The following UNC13C variants were observed in gnomAD, a reference collection of about 807,000 sequenced individuals.
UNC13C encodes the protein protein unc-13 homolog C.
A neutral mutation model predicts 245.4 loss-of-function variants in UNC13C; 174 were observed. That is an observed-to-expected ratio of 0.71 (90% CI 0.63 to 0.80). The LOEUF (loss-of-function observed/expected upper bound fraction) is 0.80. Among genes scored for constraint, UNC13C ranks in the 30% least tolerant of loss-of-function variants. The pLI, the probability that UNC13C is intolerant of heterozygous loss-of-function variation, is 0.00. For synonymous variants in UNC13C, 992 were observed against 895.1 expected, an observed-to-expected ratio of 1.11 and a Z score of -1.93; for missense variants, 2,829 against 2,602.9, an observed-to-expected ratio of 1.09 and a Z score of -1.89.
intron 18 of UNC13C, among the ~76,000 whole-genome samples, chr15:54,401,980 A>C (rs952769262): frequency 5.3e-5 from 8 of 152,112 alleles, no homozygotes; most frequent in Non-Finnish European, 1.0e-4. Context: ...TTTGGAACCA[A>C]AGTAGCATAA....
intron 4 of UNC13C, among the ~76,000 whole-genome samples, chr15:54,158,205 G>T (rs1401731667): frequency 6.6e-6 from 1 of 152,238 alleles, no homozygotes; most frequent in African/African-American, 2.4e-5. Flanking sequence ...GCCTATTTGA[G>T]CAAATAAGTA....
the UNC13C span, among the ~76,000 whole-genome samples, chr15:53,965,526 TTC>T: frequency 1.4e-5 from 2 of 139,142 alleles, no homozygotes; most frequent in Admixed American, 1.5e-4. Context: ...TCAGTGCACT[TTC>T]TTTTTTTTCC....
chr15:54,281,526 T>C (rs926798596), intron 10 of UNC13C, among the ~76,000 whole-genome samples: 3 of 152,220 alleles, frequency 2.0e-5, no homozygotes, highest in Admixed American at 1.3e-4. Flanking sequence ...TTTCAGCTCT[T>C]CTATTCCTTA....
At chr15:53,957,772 C>T in the UNC13C span, among the ~76,000 whole-genome samples, 1 of 152,140 alleles carries the variant, frequency 6.6e-6, no homozygotes, top group Non-Finnish European at 1.5e-5. Context: ...TAGTTTAAGT[C>T]AGCACACATT....
chr15:54,012,052 A>C (rs1895403965), intron 1 of UNC13C, among the ~76,000 whole-genome samples: 1 of 152,222 alleles, frequency 6.6e-6, no homozygotes, highest in African/African-American at 2.4e-5. Context: ...GTTCCTACTA[A>C]TATGAGGCCC....
At chr15:54,260,852 A>G (rs966243089) in intron 8 of UNC13C, among the ~76,000 whole-genome samples, 5 of 79,528 alleles carry the variant, frequency 6.3e-5, no homozygotes, top group Non-Finnish European at 1.0e-4. Flanking sequence ...ACTTCTTCAG[A>G]AAAAAAACAC....
chr15:54,114,275 T>G (rs1227018898), intron 2 of UNC13C, among the ~76,000 whole-genome samples: 1 of 152,246 alleles, frequency 6.6e-6, no homozygotes, highest in African/African-American at 2.4e-5. Context: ...AATAAAGCAC[T>G]AAGGATGAAA....
chr15:54,567,836 A>G lies in UNC13C; in HGVS notation c.5995A>G (p.Asn1999Asp). The G allele has an allele frequency of 6.2e-7, 1 of 1,605,366 alleles. No homozygotes were observed. The highest frequency in any genetic ancestry group is 8.5e-7 in the Non-Finnish European group (1 of 1,175,324). ...FHAGGNGLKK[N>D]FLEKSPDLQS... ...TGCAGGAGGAAATGGCCTGAAAAAG[A>G]ATTTCTTGGAGAAAAGCCCAGATCT... The change falls in exon 30 of 33, where the codon AAT (asparagine) becomes GAT (aspartate). Residue 1999 changes from asparagine (N) to aspartate (D), a missense_variant. Coordinates refer to ENST00000260323, the MANE Select transcript of UNC13C (RefSeq NM_001080534.3).
At chr15:53,860,353 C>A in the UNC13C span, among the ~76,000 whole-genome samples, 55,277 of 151,958 alleles carry the variant, frequency 0.36, 10,140 homozygotes, top group East Asian at 0.54. Flanking sequence ...TTTTGAGGAT[C>A]CTCAGGGAGG....
rs75052798 is a variant in UNC13C at position 54,384,587 on chromosome 15, C to T, written c.4714-8461C>T. ...AAAATTCTTCAGGATATTGGTCTTC[C>T]GAAAATCTTTCTAGGGAAAGATTTT... On this transcript the variant is annotated intron_variant, in intron 17 of 32. Transcript: ENST00000260323. Among the ~76,000 whole-genome samples the T allele has an allele frequency of 4.4e-3, 667 of 151,958 alleles. 27 individuals carry two copies. The East Asian group carries it at 0.086, about 20-fold the overall frequency.
At chr15:54,050,414 C>G (rs1897228138) in intron 2 of UNC13C, 2 of 554,686 alleles carry the variant, frequency 3.6e-6, no homozygotes, top group Non-Finnish European at 7.3e-6. Context: ...GGAATATTCT[C>G]TGGGAGTAGT....
At position 54,014,652 on chromosome 15, in the gene UNC13C, C is replaced by A; in HGVS notation, c.1749C>A (p.Asp583Glu). The stretch of plus-strand genomic sequence containing the variant: ...GAAGCTCTCTCCTGTCATCTTCGGA[C>A]CGGGAGCTATGGCAGAGGAAACAGG... ...TNGSSLLSSS[D>E]RELWQRKQEG... Residue 583 changes from aspartate to glutamate, a missense_variant, in exon 2 of 33, where the codon GAC becomes GAA. Asp to Glu is a conservative substitution (Grantham distance 45). Coordinates refer to ENST00000260323, the MANE Select transcript of UNC13C (RefSeq NM_001080534.3). 1 of 1,613,622 alleles carries A rather than the reference C, an allele frequency of 6.2e-7. No individual in the cohort carries two copies. The highest frequency in any genetic ancestry group is 8.5e-7 in the Non-Finnish European group (1 of 1,179,780).
At position 54,065,021 on chromosome 15, in the gene UNC13C, C is replaced by G. The variant is rs28613833; in HGVS notation, c.2983+49135C>G. On this transcript the variant is annotated intron_variant, in intron 2 of 32. Coordinates refer to ENST00000260323, the MANE Select transcript of UNC13C (RefSeq NM_001080534.3). ...TTCCTATGTTTAAGATTCATTCACC[C>G]CAATGGTATCCTTGGAATTCTGAGC... Among the ~76,000 whole-genome samples, 573 of 152,300 alleles carry G rather than the reference C, an allele frequency of 3.8e-3. 6 individuals are homozygous for G. The highest frequency in any genetic ancestry group is 0.012 in the African/African-American group (507 of 41,570).
intron 2 of UNC13C, among the ~76,000 whole-genome samples, chr15:54,093,841 A>G (rs2141140638): frequency 6.6e-6 from 1 of 152,322 alleles, no homozygotes; most frequent in Non-Finnish European, 1.5e-5. Flanking sequence ...TATCCTCAAA[A>G]TGGTCTTTTC....
the UNC13C span, among the ~76,000 whole-genome samples, chr15:53,876,244 T>C: frequency 6.6e-6 from 1 of 152,210 alleles, no homozygotes; most frequent in Non-Finnish European, 1.5e-5. Context: ...TTCACTGGTA[T>C]CTCTGGTTTT....
intron 14 of UNC13C, among the ~76,000 whole-genome samples, chr15:54,324,571 A>G (rs749889005): frequency 2.0e-5 from 3 of 152,016 alleles, no homozygotes; most frequent in Non-Finnish European, 4.4e-5. Context: ...GACCAATTGG[A>G]TGACAGTGAT....
intron 19 of UNC13C, among the ~76,000 whole-genome samples, chr15:54,490,644 C>A: frequency 6.6e-6 from 1 of 150,560 alleles, no homozygotes; most frequent in African/African-American, 2.4e-5. Context: ...TTGCAAGGGA[C>A]AGGGATTGGG....
chr15:53,864,870 G>A, the UNC13C span, among the ~76,000 whole-genome samples: 1 of 152,116 alleles, frequency 6.6e-6, no homozygotes, highest in Non-Finnish European at 1.5e-5. Flanking sequence ...GGTTTGTAAG[G>A]GTAGAGAGAA....
rs183274339 is a variant in UNC13C, at chr15:54,238,144, G to A, written c.3228+454G>A. ...GGCTGCAGTGCAGTGGCACGATCTC[G>A]GCTCACTGCAACCTCCACCTCCTGG... On this transcript the variant is annotated intron_variant, in intron 7 of 32. Coordinates refer to ENST00000260323, the MANE Select transcript of UNC13C (RefSeq NM_001080534.3). Among the ~76,000 whole-genome samples, 8 of 133,954 alleles carry A rather than the reference G, an allele frequency of 6.0e-5. No homozygotes were observed. The East Asian group carries it at 1.8e-3, about 31-fold the overall frequency. The allele number at this position is 133,954 out of a possible 152,430, so 87.9% of individuals were successfully genotyped here.
Sources: gnomAD v4.1 joint callset for allele counts (sites outside exome capture counted in the v4.1 genomes callset) on GRCh38, gnomAD v4.1.1 for gene constraint, MANE v1.5 for transcripts, NCBI Gene and HGNC (gene_info 2026-07-23, HGNC 2026-07-21) for gene names.